Variants in CAMK4 observed in about 807,000 individuals in gnomAD.
The protein encoded by CAMK4 is calcium/calmodulin-dependent protein kinase type IV.
In CAMK4, 22 loss-of-function variants were observed where a neutral mutation model predicts 44.9. That is an observed-to-expected ratio of 0.49 (90% CI 0.35 to 0.70). The LOEUF (loss-of-function observed/expected upper bound fraction) is 0.70. Ranked by LOEUF, CAMK4 falls within the 30% of genes least tolerant of loss-of-function variation. The pLI, the probability that CAMK4 is intolerant of heterozygous loss-of-function variation, is 0.01. For missense variants in CAMK4, 498 were observed against 586.8 expected, an observed-to-expected ratio of 0.85 and a Z score of 1.56; for synonymous variants, 218 against 215.4, an observed-to-expected ratio of 1.01 and a Z score of -0.11.
At position 111,300,952 on chromosome 5, in the gene CAMK4, A is replaced by G. The variant is rs557707390; in HGVS notation, c.162-43072A>G. Among the ~76,000 whole-genome samples the G allele has an allele frequency of 9.9e-5, 15 of 151,380 alleles. No homozygotes were observed. In the East Asian group the frequency reaches 2.9e-3, roughly 29 times the overall value. ...TGTTGTGTTTATAAACTCAGTGACCATTATTTTACATATGGGATTTTATTT... is the reference window on the plus strand; with the variant it reads ...TGTTGTGTTTATAAACTCAGTGACCGTTATTTTACATATGGGATTTTATTT... On this transcript the variant is annotated intron_variant, in intron 1 of 10. Coordinates refer to ENST00000282356, the MANE Select transcript of CAMK4 (RefSeq NM_001744.6).
intron 5 of CAMK4, among the ~76,000 whole-genome samples, chr5:111,404,523 G>A (rs1752346033): frequency 6.6e-6 from 1 of 152,184 alleles, no homozygotes. Context: ...AAACCTTGTG[G>A]CAGATAGAAC....
intron 1 of CAMK4, among the ~76,000 whole-genome samples, chr5:111,328,812 T>G (rs1327268978): frequency 6.6e-6 from 1 of 152,044 alleles, no homozygotes; most frequent in Non-Finnish European, 1.5e-5. Flanking sequence ...GCTCTCTGTT[T>G]GTCTGTTATT....
At chr5:111,468,043 C>T (rs1197450218) in intron 7 of CAMK4, among the ~76,000 whole-genome samples, 2 of 151,602 alleles carry the variant, frequency 1.3e-5, no homozygotes, top group African/African-American at 4.9e-5. Flanking sequence ...GAGTTAGAGA[C>T]CATTATTGTA....
rs538472390 is a variant in CAMK4 at position 111,446,272 on chromosome 5, T to A, written c.460-414T>A. Among the ~76,000 whole-genome samples, 7 of 152,360 alleles carry A rather than the reference T, an allele frequency of 4.6e-5. No individual in the cohort carries two copies. The East Asian group carries it at 9.6e-4, about 21-fold the overall frequency. On this transcript the variant is annotated intron_variant, in intron 5 of 10. Transcript: ENST00000282356. ...TATATGTCTGCTCAGACAATAATTATGAAGTCTTTGCTATACAGGTTTATA... is the reference window on the plus strand; with the variant it reads ...TATATGTCTGCTCAGACAATAATTAAGAAGTCTTTGCTATACAGGTTTATA...
intron 1 of CAMK4, among the ~76,000 whole-genome samples, chr5:111,293,058 CAG>C (rs1229141703): frequency 3.3e-5 from 5 of 152,148 alleles, no homozygotes; most frequent in African/African-American, 4.8e-5. Context: ...GAAGCATTGA[CAG>C]AGAAAGGGCT....
intron 1 of CAMK4, among the ~76,000 whole-genome samples, chr5:111,259,283 T>G (rs563353583): frequency 6.6e-6 from 1 of 152,290 alleles, no homozygotes; most frequent in East Asian, 1.9e-4. Flanking sequence ...TACTGACAAC[T>G]TAAGAGTCTC....
chr5:111,476,659 T>C (rs2112493310), intron 8 of CAMK4, among the ~76,000 whole-genome samples: 1 of 152,292 alleles, frequency 6.6e-6, no homozygotes, highest in African/African-American at 2.4e-5. Context: ...GCCATTAGGC[T>C]GAAAATGAAG....
intron 5 of CAMK4, among the ~76,000 whole-genome samples, chr5:111,423,540 A>G (rs1753107019): frequency 6.6e-6 from 1 of 152,182 alleles, no homozygotes; most frequent in Non-Finnish European, 1.5e-5. Context: ...CCATTCCAGA[A>G]CCTTCTACCT....
intron 1 of CAMK4, among the ~76,000 whole-genome samples, chr5:111,234,906 C>T (rs1029723807): frequency 6.6e-6 from 1 of 152,136 alleles, no homozygotes; most frequent in African/African-American, 2.4e-5. Flanking sequence ...TATGTCATGC[C>T]TGTAGACAGA....
intron 1 of CAMK4, among the ~76,000 whole-genome samples, chr5:111,281,927 G>A (rs1453948020): frequency 6.6e-6 from 1 of 151,650 alleles, no homozygotes; most frequent in Middle Eastern, 3.2e-3. Flanking sequence ...GCGAGGTGGC[G>A]GGCGCCTGTA....
intron 1 of CAMK4, among the ~76,000 whole-genome samples, chr5:111,263,366 A>C (rs184047573): frequency 1.6e-4 from 24 of 152,208 alleles, no homozygotes; most frequent in Non-Finnish European, 2.9e-5. Flanking sequence ...CAGGGCTCTG[A>C]CTGAGTGGCC....
rs925694170 is a variant in CAMK4 at position 111,422,220 on chromosome 5, C to A, written c.460-24466C>A. Among the ~76,000 whole-genome samples the A allele has an allele frequency of 4.6e-5, 7 of 152,342 alleles. 1 individual carries two copies. In the East Asian group the frequency reaches 5.8e-4, roughly 13 times the overall value. Reference sequence around the variant, plus strand: ...GCAGAAATATGACACAAACTTGCTACTTCCCTTCATATAGATGATCTGCTT... The same window carrying A: ...GCAGAAATATGACACAAACTTGCTAATTCCCTTCATATAGATGATCTGCTT... On this transcript the variant is annotated intron_variant, in intron 5 of 10. Coordinates refer to ENST00000282356, the MANE Select transcript of CAMK4 (RefSeq NM_001744.6).
intron 1 of CAMK4, among the ~76,000 whole-genome samples, chr5:111,320,077 C>T (rs531390960): frequency 6.6e-5 from 10 of 152,208 alleles, no homozygotes; most frequent in Admixed American, 1.3e-4. Context: ...TCATTAATGC[C>T]TAAAACCTTG....
intron 5 of CAMK4, among the ~76,000 whole-genome samples, chr5:111,434,504 C>T (rs1046758647): frequency 6.6e-6 from 1 of 152,100 alleles, no homozygotes; most frequent in East Asian, 1.9e-4. Context: ...CTACTTTGCC[C>T]GAAATAGATT....
chr5:111,229,554 T>C (rs1276130042), intron 1 of CAMK4, among the ~76,000 whole-genome samples: 1 of 152,170 alleles, frequency 6.6e-6, no homozygotes, highest in Non-Finnish European at 1.5e-5. Flanking sequence ...AGATTCTCCT[T>C]TTTTTTGGTC....
chr5:111,341,013 C>A (rs1749619455), intron 1 of CAMK4, among the ~76,000 whole-genome samples: 1 of 150,810 alleles, frequency 6.6e-6, no homozygotes, highest in Non-Finnish European at 1.5e-5. Flanking sequence ...TTTGTTCATA[C>A]TAGTCTCTTA....
At chr5:111,411,385 G>A (rs1016271289) in intron 5 of CAMK4, among the ~76,000 whole-genome samples, 1 of 152,162 alleles carries the variant, frequency 6.6e-6, no homozygotes, top group South Asian at 2.1e-4. Context: ...TTGTAGGTTG[G>A]GCTAAAGGCA....
chr5:111,451,028 G>T (rs796081320), intron 7 of CAMK4, among the ~76,000 whole-genome samples: 9 of 152,160 alleles, frequency 5.9e-5, no homozygotes, highest in African/African-American at 2.2e-4. Context: ...TCAGATAGGC[G>T]AAGTGCGATA....
intron 2 of CAMK4, among the ~76,000 whole-genome samples, chr5:111,362,730 G>A (rs891168894): frequency 3.3e-5 from 5 of 151,924 alleles, no homozygotes; most frequent in African/African-American, 1.2e-4. Flanking sequence ...TTTTTCATAA[G>A]ACCATGCTGA....
Sources: gnomAD v4.1 joint callset for allele counts (sites outside exome capture counted in the v4.1 genomes callset) on GRCh38, gnomAD v4.1.1 for gene constraint, MANE v1.5 for transcripts, NCBI Gene and HGNC (gene_info 2026-07-23, HGNC 2026-07-21) for gene names.